SLC13A1: variants seen among roughly 807,000 people sequenced by gnomAD.
SLC13A1 encodes the protein Na(+)/sulfate cotransporter.
SLC13A1 carries 65 observed loss-of-function variants against 70.0 expected under a neutral mutation model. The observed-to-expected ratio is 0.93, with a 90% CI of 0.76 to 1.14. The LOEUF is 1.14. Among genes scored for constraint, SLC13A1 ranks in the 50% most tolerant of loss-of-function variants. The pLI is 0.00. For missense variants in SLC13A1, 726 were observed against 717.8 expected (o/e 1.01, Z -0.13); for synonymous variants, 275 against 250.5 (o/e 1.10, Z -0.92).
chr7:123,187,149 C>A (rs1027009185), intron 1 of SLC13A1, among the ~76,000 whole-genome samples: 5 of 152,042 alleles, frequency 3.3e-5, no homozygotes, highest in Non-Finnish European at 5.9e-5. Context: ...AGATCATAGG[C>A]AATGTCATGT....
intron 4 of SLC13A1, among the ~76,000 whole-genome samples, chr7:123,168,931 G>T (rs1306437711): frequency 6.6e-6 from 1 of 152,100 alleles, no homozygotes; most frequent in African/African-American, 2.4e-5. Flanking sequence ...GATAGAAAAG[G>T]CATTCTTCTT....
At chr7:123,136,623 G>C (rs1383775716) in intron 7 of SLC13A1, among the ~76,000 whole-genome samples, 1 of 152,070 alleles carries the variant, frequency 6.6e-6, no homozygotes, top group Non-Finnish European at 1.5e-5. Context: ...CAAGTGCCAG[G>C]TGCTCTCCAA....
chr7:123,131,777 A>G (rs2091103), intron 8 of SLC13A1, among the ~76,000 whole-genome samples: 4,456 of 152,274 alleles, frequency 0.029, 209 homozygotes, highest in African/African-American at 0.1. Context: ...AGTGGACACC[A>G]AGGGAACTGT....
chr7:123,133,033 G>T (rs545009858), intron 8 of SLC13A1, among the ~76,000 whole-genome samples: 1 of 152,082 alleles, frequency 6.6e-6, no homozygotes, highest in African/African-American at 2.4e-5. Context: ...GGTCTTTATT[G>T]GTCAACATTT....
chr7:123,189,345 C>T (rs994402060), intron 1 of SLC13A1, among the ~76,000 whole-genome samples: 10 of 151,974 alleles, frequency 6.6e-5, no homozygotes, highest in Admixed American at 5.2e-4. Flanking sequence ...TTCTCAAATG[C>T]AGACACATAA....
intron 11 of SLC13A1, among the ~76,000 whole-genome samples, chr7:123,123,900 C>T (rs995982618): frequency 2.6e-5 from 4 of 152,116 alleles, no homozygotes; most frequent in African/African-American, 9.7e-5. Context: ...GCCCATTTAA[C>T]TTGTGTATAA....
At chr7:123,135,631 T>A (rs1286674226) in intron 7 of SLC13A1, among the ~76,000 whole-genome samples, 1 of 152,186 alleles carries the variant, frequency 6.6e-6, no homozygotes, top group African/African-American at 2.4e-5. Flanking sequence ...TATTTCATGT[T>A]ATATCTATGT....
intron 7 of SLC13A1, among the ~76,000 whole-genome samples, chr7:123,146,625 T>C (rs1794360972): frequency 6.6e-6 from 1 of 152,230 alleles, no homozygotes; most frequent in Non-Finnish European, 1.5e-5. Context: ...ATTTCTGCAA[T>C]GGAATTGTCA....
At chr7:123,162,026 CT>C (rs74273952) in intron 6 of SLC13A1, among the ~76,000 whole-genome samples, 7,300 of 130,934 alleles carry the variant, frequency 0.056, 476 homozygotes, top group African/African-American at 0.17. Flanking sequence ...AAACATATTT[CT>C]TTTTTTTTTT....
intron 2 of SLC13A1, among the ~76,000 whole-genome samples, chr7:123,174,942 C>A (rs1260733876): frequency 1.3e-5 from 2 of 151,992 alleles, no homozygotes; most frequent in Admixed American, 6.6e-5. Context: ...TCTAAGATAT[C>A]TTCCCTAGGA....
chr7:123,123,570 C>A (rs10237361), intron 11 of SLC13A1, among the ~76,000 whole-genome samples: 35,578 of 152,096 alleles, frequency 0.23, 4,857 homozygotes, highest in East Asian at 0.35. Flanking sequence ...CTGTGAATAG[C>A]ACAGTGCATT....
chr7:123,171,059 T>A (rs1795255402), intron 3 of SLC13A1, among the ~76,000 whole-genome samples: 1 of 152,184 alleles, frequency 6.6e-6, no homozygotes, highest in Non-Finnish European at 1.5e-5. Context: ...TACAATATTC[T>A]AATTTTCAAA....
At chr7:123,178,079 A>C (rs1795513001) in intron 2 of SLC13A1, among the ~76,000 whole-genome samples, 1 of 152,010 alleles carries the variant, frequency 6.6e-6, no homozygotes, top group Non-Finnish European at 1.5e-5. Flanking sequence ...TCACATTCAT[A>C]TATGTGAAAT....
chr7:123,118,406 T>C (rs1793253781), intron 13 of SLC13A1, among the ~76,000 whole-genome samples: 2 of 152,168 alleles, frequency 1.3e-5, no homozygotes, highest in Admixed American at 1.3e-4. Flanking sequence ...TTTGAGCTTG[T>C]AGCAGCATAA....
intron 6 of SLC13A1, among the ~76,000 whole-genome samples, chr7:123,159,507 G>C (rs371571166): frequency 3.3e-5 from 5 of 152,256 alleles, no homozygotes; most frequent in African/African-American, 1.2e-4. Flanking sequence ...CCTTGATCTT[G>C]TACTTGGCTA....
intron 14 of SLC13A1, among the ~76,000 whole-genome samples, chr7:123,117,048 G>A (rs887376815): frequency 6.6e-6 from 1 of 152,166 alleles, no homozygotes; most frequent in African/African-American, 2.4e-5. Flanking sequence ...CTGACTCAGT[G>A]TCTCATTCAG....
At chr7:123,192,557 G>A (rs940902896) in intron 1 of SLC13A1, among the ~76,000 whole-genome samples, 4 of 152,056 alleles carry the variant, frequency 2.6e-5, no homozygotes, top group African/African-American at 7.2e-5. Flanking sequence ...GAATTAGTAC[G>A]TATGTGGGTA....
intron 2 of SLC13A1, among the ~76,000 whole-genome samples, chr7:123,179,993 G>A (rs186413540): frequency 2.6e-3 from 401 of 152,118 alleles, no homozygotes; most frequent in Non-Finnish European, 4.3e-3. Flanking sequence ...GATTCCATGC[G>A]GCAGCAGAAT....
intron 14 of SLC13A1, 59 bp downstream of exon 14, chr7:123,117,412 G>C (rs1585278928): frequency 5.2e-6 from 8 of 1,534,598 alleles, no homozygotes; most frequent in East Asian, 2.2e-5. Flanking sequence ...GATAATTCAA[G>C]ACATGGCACA....
Sources: gnomAD v4.1 joint callset for allele counts (sites outside exome capture counted in the v4.1 genomes callset) on GRCh38, gnomAD v4.1.1 for gene constraint, MANE v1.5 for transcripts, NCBI Gene and HGNC (gene_info 2026-07-23, HGNC 2026-07-21) for gene names.